The following EYS variants were observed in gnomAD, a reference collection of about 807,000 sequenced individuals.
The protein encoded by EYS is EGF-like photoreceptor maintenance factor, also known as protein eyes shut homolog.
A neutral mutation model predicts 282.1 loss-of-function variants in EYS; 250 were observed. The ratio of observed to expected loss-of-function variants is 0.89; its 90% CI spans 0.80 to 0.98. The LOEUF is 0.98. EYS is among the 50% of genes least tolerant of loss of function. EYS has a pLI of 0.00. For missense variants in EYS, 4,016 were observed against 3,709.0 expected, an observed-to-expected ratio of 1.08 and a Z score of -2.15; for synonymous variants, 1,355 against 1,282.9, an observed-to-expected ratio of 1.06 and a Z score of -1.20.
At chr6:64,411,900 T>A (rs922194364) in intron 28 of EYS, among the ~76,000 whole-genome samples, 14 of 151,362 alleles carry the variant, frequency 9.2e-5, no homozygotes, top group African/African-American at 3.4e-4. Flanking sequence ...CATATATATG[T>A]ATATATGTTT....
intron 22 of EYS, among the ~76,000 whole-genome samples, chr6:64,643,302 T>A (rs1768237834): frequency 6.6e-6 from 1 of 152,220 alleles, no homozygotes; most frequent in African/African-American, 2.4e-5. Context: ...ATCACTTTAA[T>A]GGCAAAACTG....
chr6:64,501,338 TAAC>T (rs1582826179), intron 26 of EYS, among the ~76,000 whole-genome samples: 2 of 151,948 alleles, frequency 1.3e-5, no homozygotes, highest in African/African-American at 4.8e-5. Context: ...TTTAAAAAAA[TAAC>T]AAATCATTAG....
Position 65,495,464 on chromosome 6 carries a change from T to C in EYS, c.-54A>G. 1 of 1,576,682 alleles carries C rather than the reference T, an allele frequency of 6.3e-7. No individual in the cohort carries two copies. The highest frequency in any genetic ancestry group is 1.1e-5 in the South Asian group (1 of 90,036). ...CATAAAGAATTGCTGCAAAATGGTG[T>C]TTTAAGTATTACCGGAAATTTCCAA... On this transcript the variant is annotated 5_prime_UTR_variant, in exon 4 of 43. Coordinates refer to ENST00000503581, the MANE Select transcript of EYS (RefSeq NM_001142800.2).
intron 33 of EYS, among the ~76,000 whole-genome samples, chr6:64,021,598 G>T (rs1769194241): frequency 1.3e-5 from 2 of 152,136 alleles, no homozygotes; most frequent in Non-Finnish European, 2.9e-5. Flanking sequence ...GAGGAACAAT[G>T]GGACATGGTT....
intron 12 of EYS, among the ~76,000 whole-genome samples, chr6:65,122,369 G>C (rs1775581470): frequency 6.6e-6 from 1 of 152,026 alleles, no homozygotes; most frequent in Non-Finnish European, 1.5e-5. Context: ...AATTCAGACA[G>C]GTCTTCAAAG....
intron 31 of EYS, among the ~76,000 whole-genome samples, chr6:64,140,726 A>G (rs1192926081): frequency 3.3e-5 from 5 of 152,156 alleles, no homozygotes; most frequent in African/African-American, 9.7e-5. Flanking sequence ...GGTTTTGGCA[A>G]CTGCTGACTG....
chr6:63,978,272 T>C (rs1429866894), intron 35 of EYS, among the ~76,000 whole-genome samples: 3 of 151,936 alleles, frequency 2.0e-5, no homozygotes, highest in South Asian at 4.1e-4. Context: ...TGGTTAGCTT[T>C]CCCCGCCACC....
intron 2 of EYS, among the ~76,000 whole-genome samples, chr6:65,582,623 T>C (rs1016896888): frequency 6.6e-6 from 1 of 152,132 alleles, no homozygotes; most frequent in Non-Finnish European, 1.5e-5. Context: ...GATCTTTCTT[T>C]ACTTTCAACA....
intron 19 of EYS, among the ~76,000 whole-genome samples, chr6:64,830,111 AT>A (rs1765171281): frequency 1.3e-5 from 2 of 151,998 alleles, no homozygotes; most frequent in Non-Finnish European, 2.9e-5. Context: ...CATCAATGGA[AT>A]TAGTGCCCTT....
intron 36 of EYS, among the ~76,000 whole-genome samples, chr6:63,838,757 C>T (rs1310936005): frequency 6.6e-6 from 1 of 152,060 alleles, no homozygotes; most frequent in Non-Finnish European, 1.5e-5. Flanking sequence ...AACTTGCACT[C>T]CAGGTTTTTA....
At chr6:65,479,971 T>G (rs1327171396) in intron 5 of EYS, among the ~76,000 whole-genome samples, 1 of 146,548 alleles carries the variant, frequency 6.8e-6, no homozygotes, top group Admixed American at 7.0e-5. Context: ...CTGGCCAACA[T>G]GGTGAAATCC....
At chr6:63,924,481 A>C (rs1476924218) in intron 35 of EYS, among the ~76,000 whole-genome samples, 2 of 152,272 alleles carry the variant, frequency 1.3e-5, no homozygotes, top group Non-Finnish European at 2.9e-5. Flanking sequence ...TTAGAGCACA[A>C]AATAGCATCG....
At chr6:65,350,307 A>G (rs1166845747) in intron 9 of EYS, among the ~76,000 whole-genome samples, 4 of 151,546 alleles carry the variant, frequency 2.6e-5, no homozygotes, top group African/African-American at 9.7e-5. Context: ...CTATTTTCAC[A>G]AAAATCGTTT....
At chr6:64,347,707 TA>T (rs1217489255) in intron 29 of EYS, among the ~76,000 whole-genome samples, 2 of 151,398 alleles carry the variant, frequency 1.3e-5, no homozygotes, top group Non-Finnish European at 3.0e-5. Flanking sequence ...CACATTGGTT[TA>T]AAATGCCCTA....
At chr6:64,198,006 T>TA (rs146877641) in intron 31 of EYS, among the ~76,000 whole-genome samples, 5,567 of 150,298 alleles carry the variant, frequency 0.037, 118 homozygotes, top group Non-Finnish European at 0.047. Context: ...TTTATTTATT[T>TA]TTTTGAGACG....
At chr6:63,792,437 C>A (rs974915945) in intron 37 of EYS, among the ~76,000 whole-genome samples, 14 of 151,978 alleles carry the variant, frequency 9.2e-5, no homozygotes. Flanking sequence ...TGTTTCCAAA[C>A]CTAGAAGTCC....
At chr6:65,371,737 CTCTCTGTGTGTG>C (rs1184925046) in intron 8 of EYS, among the ~76,000 whole-genome samples, 5 of 43,456 alleles carry the variant, frequency 1.2e-4, no homozygotes, top group Non-Finnish European at 2.1e-4. Flanking sequence ...CTCTCTCTCT[CTCTCTGTGTGTG>C]TGTGTGTGTG....
intron 5 of EYS, among the ~76,000 whole-genome samples, chr6:65,419,608 T>C (rs113217252): frequency 7.0e-4 from 107 of 152,086 alleles, no homozygotes; most frequent in Middle Eastern, 3.4e-3. Context: ...TTTCTAGTCA[T>C]CACATTTTAA....
chr6:64,401,945 G>A (rs762112755), intron 28 of EYS, among the ~76,000 whole-genome samples: 4 of 152,042 alleles, frequency 2.6e-5, no homozygotes, highest in Non-Finnish European at 5.9e-5. Flanking sequence ...TTCCTGTTTA[G>A]GCTTTTCTTA....
Sources: allele counts gnomAD v4.1 joint callset (sites outside exome capture counted in the v4.1 genomes callset), GRCh38; gene constraint gnomAD v4.1.1; transcripts MANE v1.5; gene names NCBI Gene and HGNC (gene_info 2026-07-23, HGNC 2026-07-21).